The following EIPR1 variants were observed in gnomAD, a reference collection of about 807,000 sequenced individuals.
EIPR1 encodes EARP and GARP complex-interacting protein 1.
EIPR1 carries 25 observed loss-of-function variants against 48.1 expected under a neutral mutation model. That is an observed-to-expected ratio of 0.52 (90% CI 0.38 to 0.73). The LOEUF (loss-of-function observed/expected upper bound fraction) is 0.73. Among genes scored for constraint, EIPR1 ranks in the 30% least tolerant of loss-of-function variants. EIPR1 has a pLI of 0.00. For synonymous variants in EIPR1, 204 were observed against 201.9 expected, an observed-to-expected ratio of 1.01 and a Z score of -0.09; for missense variants, 415 against 506.2, an observed-to-expected ratio of 0.82 and a Z score of 1.73.
chr2:3,328,670 C>A (rs556402943), intron 3 of EIPR1, among the ~76,000 whole-genome samples: 4 of 120,618 alleles, frequency 3.3e-5, no homozygotes, highest in Non-Finnish European at 6.8e-5. Flanking sequence ...GATCTCAGGG[C>A]ACCAGCCAGG....
At chr2:3,355,014 G>T (rs1385890311) in intron 1 of EIPR1, among the ~76,000 whole-genome samples, 8 of 152,176 alleles carry the variant, frequency 5.3e-5, no homozygotes, top group Non-Finnish European at 1.2e-4. Context: ...AGAGTAGGGG[G>T]TTTAAACCAA....
Position 3,292,092 on chromosome 2 carries a change from C to T in EIPR1, c.260-34637G>A, listed in dbSNP as rs569535985. On this transcript the variant is annotated intron_variant, in intron 3 of 8. Transcript: ENST00000382125. ...GAGGAAGGTTGAAGAGTTTTCCATT[C>T]TGGCTCCATGCTAACATCACTCAGG... Among the ~76,000 whole-genome samples the T allele has an allele frequency of 3.9e-5, 6 of 152,358 alleles. No individual in the cohort carries two copies. The South Asian group carries it at 1.2e-3, about 32-fold the overall frequency.
chr2:3,361,081 T>C (rs980322015), intron 1 of EIPR1, among the ~76,000 whole-genome samples: 12 of 152,204 alleles, frequency 7.9e-5, no homozygotes, highest in Admixed American at 7.9e-4. Context: ...AGTCAAAGAA[T>C]TGAAGTGCAT....
At chr2:3,204,100 T>C (rs374516922) in intron 5 of EIPR1, among the ~76,000 whole-genome samples, 36 of 152,144 alleles carry the variant, frequency 2.4e-4, no homozygotes, top group African/African-American at 8.4e-4. Context: ...TGACCAGAGG[T>C]GAAAGGGAGA....
chr2:3,318,219 G>A (rs1236506025), intron 3 of EIPR1, among the ~76,000 whole-genome samples: 6 of 152,240 alleles, frequency 3.9e-5, no homozygotes, highest in Non-Finnish European at 8.8e-5. Flanking sequence ...TGAGGGAGAA[G>A]CTGGCCCCGG....
chr2:3,348,141 G>C (rs1324346865), intron 2 of EIPR1, among the ~76,000 whole-genome samples: 1 of 152,156 alleles, frequency 6.6e-6, no homozygotes, highest in Non-Finnish European at 1.5e-5. Context: ...AATCAAAACA[G>C]ATGCAGAACC....
At chr2:3,228,030 C>T (rs375314294) in intron 4 of EIPR1, among the ~76,000 whole-genome samples, 23 of 152,270 alleles carry the variant, frequency 1.5e-4, no homozygotes, top group African/African-American at 5.5e-4. Context: ...AGCCCCCACA[C>T]AGAGTGCCCC....
intron 7 of EIPR1, among the ~76,000 whole-genome samples, chr2:3,192,940 C>T (rs1193724074): frequency 3.3e-5 from 5 of 152,120 alleles, no homozygotes; most frequent in Admixed American, 1.3e-4. Context: ...TCAAACAAGT[C>T]TCACGGCATC....
chr2:3,338,958 G>A (rs1354535332), intron 2 of EIPR1, among the ~76,000 whole-genome samples: 2 of 152,088 alleles, frequency 1.3e-5, no homozygotes, highest in East Asian at 3.8e-4. Context: ...ATCCAAGTAC[G>A]TTTACTATGG....
intron 3 of EIPR1, among the ~76,000 whole-genome samples, chr2:3,273,001 G>C (rs1667743663): frequency 6.6e-6 from 1 of 152,204 alleles, no homozygotes; most frequent in Admixed American, 6.5e-5. Flanking sequence ...TTTAGACTGT[G>C]CTGCTTTTGA....
At chr2:3,336,289 G>A (rs1354469259) in intron 3 of EIPR1, among the ~76,000 whole-genome samples, 1 of 152,218 alleles carries the variant, frequency 6.6e-6, no homozygotes, top group Non-Finnish European at 1.5e-5. Context: ...TGAGAAATGT[G>A]TTTCTGCTGA....
intron 3 of EIPR1, chr2:3,319,053 A>G: frequency 2.3e-6 from 1 of 439,270 alleles, no homozygotes; most frequent in South Asian, 1.6e-5. Context: ...AAAGACAGAA[A>G]GGAGAAAAGT....
At chr2:3,273,442 G>A (rs553569515) in intron 3 of EIPR1, among the ~76,000 whole-genome samples, 5 of 151,982 alleles carry the variant, frequency 3.3e-5, no homozygotes, top group East Asian at 3.9e-4. Context: ...AAAAACACAG[G>A]CTCCTTAAAA....
rs1276779513 is a variant in EIPR1, at chr2:3,189,899, G to A, written c.990-391C>T. Among the ~76,000 whole-genome samples the A allele has an allele frequency of 6.6e-6, 1 of 152,170 alleles. No homozygotes were observed. Among genetic ancestry groups the A allele is most frequent in the Admixed American group, 6.5e-5 (1 of 15,286 alleles). On this transcript the variant is annotated intron_variant, in intron 8 of 8. Coordinates refer to ENST00000382125, the MANE Select transcript of EIPR1 (RefSeq NM_003310.5). The surrounding 1 kb of genome is among the most constrained non-coding windows in gnomAD (Gnocchi z 4.6). Reference sequence around the variant, plus strand: ...GTAGTCACCGTGTCTGGGTAACACAGGATGTAAACGCCCCTATTGCTTGAG... The same window carrying A: ...GTAGTCACCGTGTCTGGGTAACACAAGATGTAAACGCCCCTATTGCTTGAG...
intron 3 of EIPR1, among the ~76,000 whole-genome samples, chr2:3,333,428 T>A (rs1044063597): frequency 6.6e-6 from 1 of 152,058 alleles, no homozygotes; most frequent in Non-Finnish European, 1.5e-5. Context: ...GCGTCTCCTT[T>A]CCTCCCCATA....
Position 3,327,514 on chromosome 2 carries a change from A to AT in EIPR1, c.259+10502dup, listed in dbSNP as rs538642612. Among the ~76,000 whole-genome samples the AT allele has an allele frequency of 3.3e-3, 506 of 152,276 alleles. 6 individuals are homozygous for AT. The highest frequency in any genetic ancestry group is 0.012 in the African/African-American group (487 of 41,552). On this transcript the variant is annotated intron_variant, in intron 3 of 8. Coordinates refer to ENST00000382125, the MANE Select transcript of EIPR1 (RefSeq NM_003310.5). ...CATTTTTAAAAAAATTTTATTGTCT[A>AT]TACTTAAGGTCTGCAACATGATGCT...
intron 3 of EIPR1, among the ~76,000 whole-genome samples, chr2:3,334,932 A>C (rs899561820): frequency 1.1e-4 from 16 of 152,360 alleles, no homozygotes; most frequent in Admixed American, 6.5e-4. Flanking sequence ...GGACACAATC[A>C]ACTTACACCT....
At chr2:3,305,143 A>C (rs1572419325) in intron 3 of EIPR1, among the ~76,000 whole-genome samples, 3 of 115,540 alleles carry the variant, frequency 2.6e-5, no homozygotes, top group South Asian at 3.0e-4. Context: ...CAGTCCCATC[A>C]GTTCAGCCCT....
intron 3 of EIPR1, among the ~76,000 whole-genome samples, chr2:3,332,430 C>T (rs1669928105): frequency 6.6e-6 from 1 of 152,204 alleles, no homozygotes; most frequent in South Asian, 2.1e-4. Flanking sequence ...TTCCAGGTGG[C>T]AACACCACAG....
Sources: allele counts gnomAD v4.1 joint callset (sites outside exome capture counted in the v4.1 genomes callset), GRCh38; gene constraint gnomAD v4.1.1; non-coding constraint Gnocchi (gnomAD v3.1); transcripts MANE v1.5; gene names NCBI Gene and HGNC (gene_info 2026-07-23, HGNC 2026-07-21).